Variants in TNPO2 observed in about 807,000 individuals in gnomAD.
The protein encoded by TNPO2 is transportin-2.
TNPO2 carries 16 observed loss-of-function variants against 111.1 expected under a neutral mutation model. The observed-to-expected ratio is 0.14, with a 90% CI of 0.10 to 0.22. TNPO2 has a LOEUF of 0.22. Among genes scored for constraint, TNPO2 ranks in the 10% least tolerant of loss-of-function variants. TNPO2 has a pLI of 1.00. For synonymous variants in TNPO2, 481 were observed against 475.8 expected, an observed-to-expected ratio of 1.01 and a Z score of -0.14; for missense variants, 530 against 1,173.7, an observed-to-expected ratio of 0.45 and a Z score of 8.01.
intron 5 of TNPO2, among the ~76,000 whole-genome samples, chr19:12,717,639 C>A (rs1416461546): frequency 1.3e-5 from 2 of 152,094 alleles, no homozygotes; most frequent in Non-Finnish European, 1.5e-5. Flanking sequence ...AAGTCCACAT[C>A]CTACTACTGG....
In TNPO2 at chr19:12,699,461, TTTTAAA is replaced by T. The variant is rs1459699856; in HGVS notation, c.*1797_*1802del. 2,710 of 124,258 alleles carry T rather than the reference TTTTAAA, an allele frequency of 0.022. 89 individuals carry two copies. Among genetic ancestry groups the T allele is most frequent in the African/African-American group, 0.14 (2,515 of 17,758 alleles). The allele number at this position is 124,258 out of a possible 1,614,324, so 7.7% of individuals were successfully genotyped here. A position where few individuals can be genotyped will look rare whatever the true frequency, so the allele number is the denominator to read the frequency against. ...TAAATTAAAAAATTAAATAGTTTTT[TTTTAAA>T]AAAAAAAAAAAAAAGGAAAACGAGA... On this transcript the variant is annotated 3_prime_UTR_variant, in exon 26 of 26. Coordinates refer to ENST00000425528, the MANE Select transcript of TNPO2 (RefSeq NM_001382241.1).
intron 10 of TNPO2, among the ~76,000 whole-genome samples, chr19:12,713,210 C>T (rs1447419334): frequency 1.3e-5 from 2 of 152,140 alleles, no homozygotes; most frequent in African/African-American, 4.8e-5. Flanking sequence ...AGAGACTAGC[C>T]AGAGTAGGGG....
At chr19:12,713,070 C>G (rs2026154467) in intron 10 of TNPO2, among the ~76,000 whole-genome samples, 1 of 152,188 alleles carries the variant, frequency 6.6e-6, no homozygotes, top group African/African-American at 2.4e-5. Context: ...GCTCTTGACC[C>G]AGGCCTGGCC....
Position 12,721,085 on chromosome 19 carries a change from G to A in TNPO2, c.-13-95C>T. 6.5e-7 allele frequency: 1 copy of A among 1,529,976 alleles called. No homozygotes were observed. The highest frequency in any genetic ancestry group is 8.7e-7 in the Non-Finnish European group (1 of 1,144,196). 94.8% of individuals were successfully genotyped at this position (1,529,976 alleles called of 1,614,324 possible). A position where few individuals can be genotyped will look rare whatever the true frequency, so the allele number is the denominator to read the frequency against. ...GAGGCCGCGGTGGCCGCATGACGAC[G>A]GGAACGCCCTCGGCGGACAGGCGGA... On this transcript the variant is annotated intron_variant, in intron 2 of 25. Transcript: ENST00000425528. The surrounding 1 kb of genome is among the most constrained non-coding windows in gnomAD (Gnocchi z 4.9).
Position 12,706,471 on chromosome 19 carries a change from G to T in TNPO2, c.1496+99C>A. On this transcript the variant is annotated intron_variant, in intron 14 of 25. Transcript: ENST00000425528. The surrounding 1 kb of genome is among the most constrained non-coding windows in gnomAD (Gnocchi z 7.0). ...ACTCAGGATCAGCCAGTACGAATAC[G>T]CGATAAATCAGTTCCACATCAACAG... is the stretch of plus-strand genomic sequence containing the variant. 1 of 1,569,304 alleles carries T rather than the reference G, an allele frequency of 6.4e-7. No individual in the cohort carries two copies.
chr19:12,712,481 G>A (rs1015582092), intron 10 of TNPO2, among the ~76,000 whole-genome samples: 1 of 152,208 alleles, frequency 6.6e-6, no homozygotes, highest in African/African-American at 2.4e-5. Flanking sequence ...CACACTCCTA[G>A]TCTGCCTTCA....
In TNPO2 at chr19:12,715,865, C is replaced by T. The variant is rs1211209195; in HGVS notation, c.326-126G>A. On this transcript the variant is annotated intron_variant, in intron 5 of 25. Coordinates refer to ENST00000425528, the MANE Select transcript of TNPO2 (RefSeq NM_001382241.1). This position sits in a 1 kb window ranked among gnomAD's most constrained non-coding sequence, Gnocchi z 7.1. ...GCCCATGTACGCCCTCTACATCCCC[C>T]CTCCTTTTTTTTTTCTTTGTAAGAG... 1.3e-5 allele frequency: 9 copies of T among 710,558 alleles called. No homozygotes were observed. Among genetic ancestry groups the T allele is most frequent in the Non-Finnish European group, 2.1e-5 (9 of 432,686 alleles). 44.0% of individuals were successfully genotyped at this position (710,558 alleles called of 1,614,324 possible). A position where few individuals can be genotyped will look rare whatever the true frequency, so the allele number is the denominator to read the frequency against.
chr19:12,709,642 GTTTTT>G lies in TNPO2; in HGVS notation c.1270+974_1270+978del, dbSNP rs78853226. Among the ~76,000 whole-genome samples, 7 of 122,892 alleles carry G rather than the reference GTTTTT, an allele frequency of 5.7e-5. No individual in the cohort carries two copies. In the East Asian group the frequency reaches 1.6e-3, roughly 28 times the overall value. The allele number at this position is 122,892 out of a possible 152,430, so 80.6% of individuals were successfully genotyped here. A position where few individuals can be genotyped will look rare whatever the true frequency, so the allele number is the denominator to read the frequency against. ...CCACCACGCCGGCTAATTTTATCAG[GTTTTT>G]TTTTTTTTTTTTTTTGGTAGATATG... is the stretch of plus-strand genomic sequence containing the variant. On this transcript the variant is annotated intron_variant, in intron 13 of 25. Transcript: ENST00000425528.
intron 5 of TNPO2, among the ~76,000 whole-genome samples, chr19:12,718,198 G>A (rs781727687): frequency 6.7e-6 from 1 of 149,414 alleles, no homozygotes; most frequent in Non-Finnish European, 1.5e-5. Context: ...ATGGAGTCTC[G>A]TTGTATTGCC....
At position 12,701,907 on chromosome 19, in the gene TNPO2, A is replaced by T; in HGVS notation, c.2412-56T>A. ...GGGCAGGCTGGGCATGCATCTGTGG[A>T]GGGCTGGGTCACTGGGGATCAGTGA... On this transcript the variant is annotated intron_variant, in intron 22 of 25. Transcript: ENST00000425528. The surrounding 1 kb of genome is among the most constrained non-coding windows in gnomAD (Gnocchi z 5.0). 1 of 1,521,978 alleles carries T rather than the reference A, an allele frequency of 6.6e-7. No individual in the cohort carries two copies. Among genetic ancestry groups the T allele is most frequent in the East Asian group, 2.3e-5 (1 of 44,358 alleles). The allele number at this position is 1,521,978 out of a possible 1,614,324, so 94.3% of individuals were successfully genotyped here.
rs1021715942 is a variant in TNPO2 at position 12,701,036 on chromosome 19, C to G, written c.*228G>C. The G allele has an allele frequency of 6.2e-6, 2 of 320,974 alleles. No individual in the cohort carries two copies. Among genetic ancestry groups the G allele is most frequent in the East Asian group, 6.1e-5 (1 of 16,350 alleles). 19.9% of individuals were successfully genotyped at this position (320,974 alleles called of 1,614,324 possible). A position where few individuals can be genotyped will look rare whatever the true frequency, so the allele number is the denominator to read the frequency against. On this transcript the variant is annotated 3_prime_UTR_variant, in exon 26 of 26. Coordinates refer to ENST00000425528, the MANE Select transcript of TNPO2 (RefSeq NM_001382241.1). This position sits in a 1 kb window ranked among gnomAD's most constrained non-coding sequence, Gnocchi z 5.0. ...GCCCTTGCCCACCAGAAGTCCCCCC[C>G]ACCTCCCCGTTTGTAGGATGAGCAT...
chr19:12,704,396 G>T (rs1036727608), intron 18 of TNPO2, among the ~76,000 whole-genome samples: 17 of 151,620 alleles, frequency 1.1e-4, no homozygotes, highest in African/African-American at 3.6e-4. Context: ...CGGTGGGGGG[G>T]GCATAGTGTT....
chr19:12,709,027 G>A (rs1342399115), intron 13 of TNPO2, among the ~76,000 whole-genome samples: 4 of 150,478 alleles, frequency 2.7e-5, no homozygotes, highest in African/African-American at 9.8e-5. Context: ...CGATAAGAGG[G>A]AGACTCCATC....
intron 5 of TNPO2, among the ~76,000 whole-genome samples, chr19:12,718,174 T>C (rs1354290808): frequency 1.3e-5 from 2 of 151,606 alleles, no homozygotes; most frequent in African/African-American, 4.9e-5. Flanking sequence ...CCAGCTAATT[T>C]TTTTTTTTTT....
At chr19:12,716,607 G>A (rs1340778036) in intron 5 of TNPO2, among the ~76,000 whole-genome samples, 1 of 151,792 alleles carries the variant, frequency 6.6e-6, no homozygotes, top group African/African-American at 2.4e-5. Flanking sequence ...GCCTGGGATG[G>A]AGCAAGACTC....
chr19:12,706,719 G>A lies in TNPO2; in HGVS notation c.1347C>T (p.Ala449=). The change falls in exon 14 of 26, where the codon GCC becomes GCT. Residue 449 remains alanine (A), a synonymous_variant. Coordinates refer to ENST00000425528, the MANE Select transcript of TNPO2 (RefSeq NM_001382241.1). The surrounding 1 kb of genome is among the most constrained non-coding windows in gnomAD (Gnocchi z 7.0). ...HLIQCLSDKK[A]LVRSIACWTL... ...TCCAGCAGGCGATGGAGCGGACCAA[G>A]GCCTTCTTATCCGACAGGCACTGGA... is the stretch of plus-strand genomic sequence containing the variant. 2 of 1,613,760 alleles carry A rather than the reference G, an allele frequency of 1.2e-6. No homozygotes were observed. The highest frequency in any genetic ancestry group is 1.1e-5 in the South Asian group (1 of 91,052).
chr19:12,705,195 C>A lies in TNPO2; in HGVS notation c.2022+45G>T. 1 of 1,557,674 alleles carries A rather than the reference C, an allele frequency of 6.4e-7. No homozygotes were observed. The highest frequency in any genetic ancestry group is 8.7e-7 in the Non-Finnish European group (1 of 1,146,910). The stretch of plus-strand genomic sequence containing the variant: ...CCCTGACTCCCCACCAGGGGCAGCC[C>A]ACGCAGGCTGCTGGGTGTCATCACT... On this transcript the variant is annotated intron_variant, in intron 18 of 25. Transcript: ENST00000425528. The surrounding 1 kb of genome is among the most constrained non-coding windows in gnomAD (Gnocchi z 7.2).
chr19:12,711,930 G>A (rs962699850), intron 10 of TNPO2, among the ~76,000 whole-genome samples: 7 of 150,670 alleles, frequency 4.6e-5, no homozygotes, highest in East Asian at 1.9e-4. Flanking sequence ...CCCAGGCACC[G>A]AGGCAAGAGA....
chr19:12,712,995 C>T (rs2026150579), intron 10 of TNPO2, among the ~76,000 whole-genome samples: 1 of 152,198 alleles, frequency 6.6e-6, no homozygotes, highest in African/African-American at 2.4e-5. Context: ...ATGCAATCCT[C>T]CTGCCTCAGC....
Sources: gnomAD v4.1 joint callset for allele counts (sites outside exome capture counted in the v4.1 genomes callset) on GRCh38, gnomAD v4.1.1 for gene constraint, Gnocchi (gnomAD v3.1) non-coding constraint, MANE v1.5 for transcripts, NCBI Gene and HGNC (gene_info 2026-07-23, HGNC 2026-07-21) for gene names.